Variants in FRMPD3 observed in about 807,000 individuals in gnomAD.
FRMPD3 encodes the protein FERM and PDZ domain-containing protein 3.
Under a neutral mutation model 97.9 loss-of-function variants are expected in FRMPD3, and 42 were observed. The observed-to-expected ratio is 0.43, with a 90% CI of 0.34 to 0.55. The LOEUF (loss-of-function observed/expected upper bound fraction) is 0.55. Ranked by LOEUF, FRMPD3 falls within the 20% of genes least tolerant of loss-of-function variation. The probability of loss-of-function intolerance (pLI) is 0.03; values close to 1 mark genes in which losing one functional copy is unlikely to be tolerated. For synonymous variants in FRMPD3, 577 were observed against 581.1 expected (o/e 0.99, Z 0.10); for missense variants, 1,303 against 1,457.7 (o/e 0.89, Z 1.73).
At chrX:107,505,672 A>G (rs1004786589) in intron 1 of FRMPD3, among the ~76,000 whole-genome samples, 9 of 112,864 alleles carry the variant, frequency 8.0e-5, no homozygotes, top group Non-Finnish European at 1.7e-4. Flanking sequence ...AAATTATCAA[A>G]CTAAGAAGGG....
chrX:107,506,666 C>T (rs1289321186), intron 1 of FRMPD3, among the ~76,000 whole-genome samples: 1 of 112,374 alleles, frequency 8.9e-6, no homozygotes, highest in East Asian at 2.8e-4. Flanking sequence ...GGCTGGTCCC[C>T]GGTGGCGAGG....
At position 107,603,214 on chromosome X, in the gene FRMPD3, GCAGCAGCAACAACAA is replaced by G; in HGVS notation, c.5184_5198del (p.Gln1739_Gln1743del). ...AGCAGCAGCAGCAACAACAACAGCA[GCAGCAGCAACAACAA>G]CAGCAGCAGCAACAACAACAGCAGC... On this transcript the variant is annotated inframe_deletion, in exon 15 of 15. Transcript: ENST00000683843. The G allele has an allele frequency of 1.7e-6, 2 of 1,172,703 alleles. No individual in the cohort carries two copies. The highest frequency in any genetic ancestry group is 2.3e-6 in the Non-Finnish European group (2 of 875,913).
chrX:107,589,607 T>C (rs1366037966), intron 13 of FRMPD3, among the ~76,000 whole-genome samples: 2 of 111,820 alleles, frequency 1.8e-5, no homozygotes, highest in Non-Finnish European at 3.8e-5. Context: ...CACATGCTTA[T>C]GGTTCTTTTC....
Position 107,602,450 on chromosome X carries a change from C to T in FRMPD3, c.4411C>T (p.Leu1471=). The T allele has an allele frequency of 1.7e-6, 2 of 1,211,000 alleles. No individual in the cohort carries two copies. Among genetic ancestry groups the T allele is most frequent in the Non-Finnish European group, 2.2e-6 (2 of 895,236 alleles). ...KGPRQMAVFS[L]PEEVYRKPAE... ...CCCCAGACAGATGGCCGTGTTCTCACTGCCCGAGGAGGTGTACCGGAAGCC... is the reference window on the plus strand; with the variant it reads ...CCCCAGACAGATGGCCGTGTTCTCATTGCCCGAGGAGGTGTACCGGAAGCC... Residue 1471 remains leucine, a synonymous_variant, in exon 15 of 15, where the codon CTG becomes TTG. Coordinates refer to ENST00000683843, the MANE Select transcript of FRMPD3 (RefSeq NM_001388459.1).
intron 8 of FRMPD3, among the ~76,000 whole-genome samples, chrX:107,558,457 AT>A (rs1457233668): frequency 9.0e-6 from 1 of 110,678 alleles, no homozygotes; most frequent in Admixed American, 9.7e-5. Flanking sequence ...TGAGACCCCC[AT>A]CTCTATACAA....
chrX:107,545,376 T>TAAG (rs764180486), intron 4 of FRMPD3: 1 of 119,547 alleles, frequency 8.4e-6, no homozygotes, highest in Admixed American at 8.7e-5. Flanking sequence ...TATTCAGATA[T>TAAG]AATAATAATA....
At chrX:107,489,964 G>C (rs1373413936) in intron 1 of FRMPD3, among the ~76,000 whole-genome samples, 2 of 111,985 alleles carry the variant, frequency 1.8e-5, no homozygotes, top group East Asian at 5.6e-4. Context: ...GGTTTTTATG[G>C]TTTTAGGTCT....
rs1924541234 is a variant in FRMPD3 at position 107,601,997 on chromosome X, C to T, written c.3958C>T (p.Leu1320Phe). ...AGCCACCCAGACACCAGTGCCCAGC[C>T]TCCGGGGGAGGGAAAGGGACAGAGT... ...PQATQTPVPS[L>F]RGRERDRVLP... is the part of the protein sequence containing the mutation. Residue 1320 changes from leucine to phenylalanine, a missense_variant, in exon 15 of 15, where the codon CTC (leucine) becomes TTC (phenylalanine). By Grantham distance (22) the Leu-to-Phe change is conservative. This residue lies in a region of FRMPD3 where 764 missense variants were observed against 820.2 expected (regional missense o/e 0.93). Coordinates refer to ENST00000683843, the MANE Select transcript of FRMPD3 (RefSeq NM_001388459.1). 1.6e-5 allele frequency: 19 copies of T among 1,169,371 alleles called. No individual in the cohort carries two copies. Among genetic ancestry groups the T allele is most frequent in the Non-Finnish European group, 2.2e-5 (19 of 876,268 alleles).
chrX:107,594,166 C>T (rs1924049077), intron 13 of FRMPD3, among the ~76,000 whole-genome samples: 1 of 111,575 alleles, frequency 9.0e-6, no homozygotes, highest in Admixed American at 9.6e-5. Flanking sequence ...AGCATGGTCA[C>T]TGTTGGTGTA....
chrX:107,554,722 C>T, intron 8 of FRMPD3: 2 of 383,701 alleles, frequency 5.2e-6, no homozygotes, highest in Non-Finnish European at 9.0e-6. Flanking sequence ...TATTTGTCCA[C>T]TCAGATCTCA....
intron 1 of FRMPD3, among the ~76,000 whole-genome samples, chrX:107,497,086 C>T (rs1048878257): frequency 8.0e-5 from 9 of 112,482 alleles, no homozygotes; most frequent in Non-Finnish European, 1.7e-4. Context: ...AGAGAGCACA[C>T]AAGCTGTGCC....
At chrX:107,561,004 G>C (rs1922342112) in intron 10 of FRMPD3, 151 bp downstream of exon 10, 1 of 262,248 alleles carries the variant, frequency 3.8e-6, no homozygotes, top group Non-Finnish European at 5.2e-6. Flanking sequence ...GTGTGGGGCA[G>C]TTGTGGAGAG....
At chrX:107,573,605 G>GA (rs1305727744) in intron 12 of FRMPD3, among the ~76,000 whole-genome samples, 1 of 110,876 alleles carries the variant, frequency 9.0e-6, no homozygotes, top group Non-Finnish European at 1.9e-5. Flanking sequence ...TTTCTCACTG[G>GA]AAAAAAAAGC....
At chrX:107,510,051 A>G (rs182158920) in intron 1 of FRMPD3, among the ~76,000 whole-genome samples, 172 of 111,604 alleles carry the variant, frequency 1.5e-3, no homozygotes, top group African/African-American at 5.5e-3. Context: ...CAGAGCTTGC[A>G]TTCTTCCATA....
chrX:107,476,405 A>T (rs915896944), intron 1 of FRMPD3, among the ~76,000 whole-genome samples: 1 of 112,531 alleles, frequency 8.9e-6, no homozygotes, highest in African/African-American at 3.2e-5. Context: ...TTTATAATTT[A>T]TCCCATTTCG....
chrX:107,479,353 GA>G (rs1197553178), intron 1 of FRMPD3, among the ~76,000 whole-genome samples: 8 of 111,618 alleles, frequency 7.2e-5, no homozygotes, highest in South Asian at 3.8e-4. Context: ...ATTTTGAGCT[GA>G]AAAAAACTTT....
At chrX:107,455,604 CT>C (rs199568752) in intron 1 of FRMPD3, among the ~76,000 whole-genome samples, 1 of 109,874 alleles carries the variant, frequency 9.1e-6, no homozygotes, top group African/African-American at 3.3e-5. Context: ...GCAAGTACAT[CT>C]TTTTTTTTAA....
chrX:107,524,974 T>A (rs1240994707), intron 1 of FRMPD3, among the ~76,000 whole-genome samples: 1 of 75,730 alleles, frequency 1.3e-5, no homozygotes, highest in East Asian at 3.9e-4. Flanking sequence ...CCAGCTGGCG[T>A]AACAGAGGGA....
intron 12 of FRMPD3, among the ~76,000 whole-genome samples, chrX:107,572,653 G>A (rs1230198517): frequency 1.8e-5 from 2 of 110,194 alleles, no homozygotes; most frequent in African/African-American, 3.3e-5. Context: ...CAGGAGAATC[G>A]CTTGAACCCA....
Sources: gnomAD v4.1 joint callset for allele counts (sites outside exome capture counted in the v4.1 genomes callset) on GRCh38, gnomAD v4.1.1 for gene constraint, gnomAD v4.1.1 regional missense constraint, MANE v1.5 for transcripts, NCBI Gene and HGNC (gene_info 2026-07-23, HGNC 2026-07-21) for gene names.